Variants in RGS13 observed in about 807,000 individuals in gnomAD.
RGS13 encodes regulator of G-protein signalling 13.
RGS13 carries 14 observed loss-of-function variants against 19.9 expected under a neutral mutation model. The observed-to-expected ratio is 0.70, with a 90% CI of 0.46 to 1.10. RGS13 has a LOEUF of 1.10. Among genes scored for constraint, RGS13 ranks in the 50% least tolerant of loss-of-function variants. RGS13 has a pLI of 0.00. For missense variants in RGS13, 205 were observed against 187.1 expected (o/e 1.10, Z -0.56); for synonymous variants, 60 against 56.8 (o/e 1.06, Z -0.25).
At chr1:192,644,496 T>C in intron 4 of RGS13, 97 bp downstream of exon 4, 1 of 955,220 alleles carries the variant, frequency 1.0e-6, no homozygotes, top group Non-Finnish European at 1.6e-6. Context: ...ACATATTTTG[T>C]TCAGAAAGTA....
At chr1:192,650,369 T>C (rs753994934) in intron 5 of RGS13, among the ~76,000 whole-genome samples, 8 of 152,068 alleles carry the variant, frequency 5.3e-5, no homozygotes, top group Non-Finnish European at 1.0e-4. Flanking sequence ...AAACGAATCA[T>C]TCTATGGATG....
At chr1:192,642,162 C>T (rs778260008) in intron 3 of RGS13, among the ~76,000 whole-genome samples, 3 of 152,136 alleles carry the variant, frequency 2.0e-5, no homozygotes, top group Non-Finnish European at 4.4e-5. Context: ...TGTGGCTCAA[C>T]GTGCTCGGCC....
At chr1:192,644,619 T>C (rs889462466) in intron 4 of RGS13, 3 of 474,588 alleles carry the variant, frequency 6.3e-6, no homozygotes, top group African/African-American at 2.0e-5. Flanking sequence ...TTAAATGCTT[T>C]AGAATCTATT....
intron 4 of RGS13, chr1:192,646,127 C>T (rs1171727309): frequency 6.6e-6 from 1 of 152,146 alleles, no homozygotes; most frequent in Non-Finnish European, 1.5e-5. Flanking sequence ...TGAAAGCAAT[C>T]TTAACACAGT....
intron 5 of RGS13, among the ~76,000 whole-genome samples, chr1:192,651,220 T>C (rs976286204): frequency 6.6e-6 from 1 of 152,084 alleles, no homozygotes; most frequent in Non-Finnish European, 1.5e-5. Flanking sequence ...CTGTGAATTG[T>C]CAAAGACTGC....
At chr1:192,639,473 T>G (rs1275040812) in intron 3 of RGS13, among the ~76,000 whole-genome samples, 2 of 151,916 alleles carry the variant, frequency 1.3e-5, no homozygotes, top group African/African-American at 4.8e-5. Context: ...TATAGAAACA[T>G]GGGAACAACA....
intron 5 of RGS13, among the ~76,000 whole-genome samples, chr1:192,650,293 G>A (rs1466157576): frequency 6.6e-6 from 1 of 152,060 alleles, no homozygotes; most frequent in East Asian, 1.9e-4. Context: ...TAGGGTAAGA[G>A]CCTTTCCAGA....
At position 192,642,131 on chromosome 1, in the gene RGS13, T is replaced by G. The variant is rs114654040; in HGVS notation, c.-4-2200T>G. Reference sequence around the variant, plus strand: ...ATCCTGCAATGATTTCCCAGCTTCTTACTGTGAAATCCATGGCCTGTGTGG... The same window carrying G: ...ATCCTGCAATGATTTCCCAGCTTCTGACTGTGAAATCCATGGCCTGTGTGG... On this transcript the variant is annotated intron_variant, in intron 3 of 6. Transcript: ENST00000391995. 1.8e-3 allele frequency among the ~76,000 whole-genome samples: 271 copies of G among 152,290 alleles called. 1 individual carries two copies. Among genetic ancestry groups the G allele is most frequent in the Middle Eastern group, 3.4e-3 (1 of 294 alleles).
Position 192,645,207 on chromosome 1 carries a change from T to A in RGS13, c.65+808T>A, listed in dbSNP as rs377596519. ...ACAGGTGCATCCAAGGACAAAGGTA[T>A]AATCTGCTAATTAAGGGACAGCTCT... On this transcript the variant is annotated intron_variant, in intron 4 of 6. Coordinates refer to ENST00000391995, the MANE Select transcript of RGS13 (RefSeq NM_002927.5). 5.3e-5 allele frequency: 8 copies of A among 152,368 alleles called. No homozygotes were observed. The East Asian group carries it at 1.5e-3, about 29-fold the overall frequency. 9.4% of individuals were successfully genotyped at this position (152,368 alleles called of 1,614,324 possible). A position where few individuals can be genotyped will look rare whatever the true frequency, so the allele number is the denominator to read the frequency against.
intron 6 of RGS13, 165 bp downstream of exon 6, chr1:192,658,532 T>G (rs1420656341): frequency 1.4e-5 from 8 of 577,288 alleles, no homozygotes; most frequent in Non-Finnish European, 1.2e-5. Context: ...CCTGAGACTC[T>G]GAGAACTTGT....
intron 3 of RGS13, among the ~76,000 whole-genome samples, chr1:192,641,244 GAAAAGAAAGA>G (rs1303533770): frequency 0.015 from 1,467 of 95,136 alleles, 26 homozygotes; most frequent in East Asian, 0.069. Context: ...AAGAAAGAAA[GAAAAGAAAGA>G]AAAGAAAGAA....
At chr1:192,643,142 A>G (rs778452342) in intron 3 of RGS13, among the ~76,000 whole-genome samples, 10 of 152,120 alleles carry the variant, frequency 6.6e-5, no homozygotes, top group African/African-American at 2.4e-5. Context: ...GATTACAGGT[A>G]TCAGCCACTG....
chr1:192,648,345 C>T (rs1362839326), intron 5 of RGS13, among the ~76,000 whole-genome samples: 1 of 152,128 alleles, frequency 6.6e-6, no homozygotes, highest in Non-Finnish European at 1.5e-5. Flanking sequence ...AAATTTGAGT[C>T]TTGCTGTTCT....
chr1:192,644,472 A>T, intron 4 of RGS13, 73 bp downstream of exon 4: 1 of 1,088,660 alleles, frequency 9.2e-7, no homozygotes, highest in African/African-American at 1.6e-5. Flanking sequence ...CATATTTATT[A>T]AACTGCTATT....
intron 5 of RGS13, among the ~76,000 whole-genome samples, chr1:192,657,687 G>C (rs1320398848): frequency 1.3e-5 from 2 of 152,084 alleles, no homozygotes; most frequent in African/African-American, 4.8e-5. Context: ...TCTGTGTTCT[G>C]CTCTGATTAG....
intron 5 of RGS13, among the ~76,000 whole-genome samples, chr1:192,653,371 T>C (rs924928535): frequency 2.0e-5 from 3 of 152,082 alleles, no homozygotes; most frequent in Non-Finnish European, 4.4e-5. Context: ...GACACTGCCA[T>C]TGGGAATGAA....
intron 3 of RGS13, among the ~76,000 whole-genome samples, chr1:192,641,003 TAGAGAGAC>T (rs1057249524): frequency 6.6e-6 from 1 of 151,778 alleles, no homozygotes; most frequent in African/African-American, 2.4e-5. Context: ...CGATGCCTCC[TAGAGAGAC>T]ATGCAGGCCA....
chr1:192,643,060 C>T (rs1330578136), intron 3 of RGS13, among the ~76,000 whole-genome samples: 5 of 151,668 alleles, frequency 3.3e-5, no homozygotes, highest in African/African-American at 7.3e-5. Flanking sequence ...AGAATCTTAC[C>T]GTGTTGCCCA....
At position 192,659,375 on chromosome 1, in the gene RGS13, G is replaced by A. The variant is rs376505898; in HGVS notation, c.332G>A (p.Arg111Lys). 10 of 1,612,248 alleles carry A rather than the reference G, an allele frequency of 6.2e-6. No individual in the cohort carries two copies. In the African/African-American group the frequency reaches 1.3e-4, roughly 22 times the overall value. Reference sequence around the variant, plus strand: ...AGTTCGACAAGAGAGACTATCATCAGGAACATTCAGGAACCCACTGAAACA... The same window carrying A: ...AGTTCGACAAGAGAGACTATCATCAAGAACATTCAGGAACCCACTGAAACA... ...IDSSTRETII[R>K]NIQEPTETCF... is the part of the protein sequence containing the mutation. The change falls in exon 7 of 7, where the codon AGG (arginine) becomes AAG (lysine). Residue 111 changes from arginine (R) to lysine (K), a missense_variant. Arg to Lys is a conservative substitution (Grantham distance 26). Coordinates refer to ENST00000391995, the MANE Select transcript of RGS13 (RefSeq NM_002927.5).
Sources: gnomAD v4.1 joint callset for allele counts (sites outside exome capture counted in the v4.1 genomes callset) on GRCh38, gnomAD v4.1.1 for gene constraint, MANE v1.5 for transcripts, NCBI Gene and HGNC (gene_info 2026-07-23, HGNC 2026-07-21) for gene names.